PCDHA12: variants seen among roughly 807,000 people sequenced by gnomAD.
PCDHA12 encodes the protein protocadherin alpha-12.
A neutral mutation model predicts 60.0 loss-of-function variants in PCDHA12; 44 were observed. That is an observed-to-expected ratio of 0.73 (90% CI 0.58 to 0.94). The LOEUF (loss-of-function observed/expected upper bound fraction) is 0.94, where lower values mean the gene tolerates loss of function less well. Ranked by LOEUF, PCDHA12 falls within the 40% of genes least tolerant of loss-of-function variation. PCDHA12 has a pLI of 0.00. For synonymous variants in PCDHA12, 569 were observed against 553.0 expected (o/e 1.03, Z -0.40); for missense variants, 1,276 against 1,239.7 (o/e 1.03, Z -0.44).
intron 1 of PCDHA12, among the ~76,000 whole-genome samples, chr5:140,934,564 A>T (rs2089922231): frequency 6.6e-6 from 1 of 152,076 alleles, no homozygotes; most frequent in African/African-American, 2.4e-5. Flanking sequence ...TCTTTTTTTT[A>T]ATTAATTGTA....
chr5:140,971,163 T>C (rs2096460132), intron 1 of PCDHA12, among the ~76,000 whole-genome samples: 1 of 152,180 alleles, frequency 6.6e-6, no homozygotes, highest in Non-Finnish European at 1.5e-5. Flanking sequence ...AGGCTCAGCT[T>C]TGCCACCAGC....
At chr5:140,890,875 T>G (rs189226344) in intron 1 of PCDHA12, among the ~76,000 whole-genome samples, 106 of 152,318 alleles carry the variant, frequency 7.0e-4, no homozygotes, top group Non-Finnish European at 1.3e-3. Flanking sequence ...CCCTCTGACC[T>G]TTCATCAGGG....
intron 1 of PCDHA12, among the ~76,000 whole-genome samples, chr5:140,886,029 T>C (rs1464446627): frequency 1.3e-5 from 2 of 152,180 alleles, no homozygotes; most frequent in Non-Finnish European, 2.9e-5. Context: ...TATTCTTCAC[T>C]AAGTTTTCCC....
chr5:140,978,644 G>A (rs782602318), intron 1 of PCDHA12, among the ~76,000 whole-genome samples: 18 of 152,220 alleles, frequency 1.2e-4, no homozygotes, highest in Non-Finnish European at 1.9e-4. Context: ...AAAGCAGACT[G>A]TTCTTCCCGT....
chr5:140,929,138 G>C (rs150967804), intron 1 of PCDHA12: 183 of 1,614,054 alleles, frequency 1.1e-4, no homozygotes, highest in Non-Finnish European at 1.5e-4. Context: ...ACAGTTGAGA[G>C]ACTTTCTCAG....
intron 1 of PCDHA12, among the ~76,000 whole-genome samples, chr5:140,891,690 C>T (rs12518591): frequency 0.01 from 1,559 of 152,280 alleles, 92 homozygotes; most frequent in Admixed American, 0.092. Context: ...TCTCTTCTTG[C>T]TGTTGTCTGA....
chr5:140,882,286 A>G lies in PCDHA12; in HGVS notation c.2367+4447A>G, dbSNP rs13357748. The G allele has an allele frequency of 8.5e-4, 1,378 of 1,613,102 alleles. 12 individuals are homozygous for G. In the African/African-American group the frequency reaches 0.015, roughly 17 times the overall value. Reference sequence around the variant, plus strand: ...AGTGTACCATGCTGTCTTCCTGGCAAGGAGGCCCAAGACCGCGGCAACTAC... The same window carrying G: ...AGTGTACCATGCTGTCTTCCTGGCAGGGAGGCCCAAGACCGCGGCAACTAC... On this transcript the variant is annotated intron_variant, in intron 1 of 3. Transcript: ENST00000398631.
chr5:141,006,429 G>C (rs541690957), intron 3 of PCDHA12, among the ~76,000 whole-genome samples: 7 of 152,004 alleles, frequency 4.6e-5, no homozygotes, highest in Non-Finnish European at 1.0e-4. Flanking sequence ...TAGCCAGGAT[G>C]GTCTCAATCT....
At chr5:140,970,121 G>C (rs1230320134) in intron 1 of PCDHA12, among the ~76,000 whole-genome samples, 1 of 152,184 alleles carries the variant, frequency 6.6e-6, no homozygotes, top group Non-Finnish European at 1.5e-5. Flanking sequence ...GCTGGGATTA[G>C]AAGGAAGAGA....
intron 1 of PCDHA12, among the ~76,000 whole-genome samples, chr5:140,964,381 T>C (rs1008874330): frequency 1.3e-5 from 2 of 152,176 alleles, no homozygotes. Flanking sequence ...AGGAGAGTCC[T>C]GGTTTTTCTC....
chr5:140,895,281 A>C (rs2064944456), intron 1 of PCDHA12, among the ~76,000 whole-genome samples: 1 of 152,118 alleles, frequency 6.6e-6, no homozygotes, highest in South Asian at 2.1e-4. Context: ...GGATAATTGA[A>C]TTAGGACCTT....
intron 1 of PCDHA12, among the ~76,000 whole-genome samples, chr5:140,911,564 CTT>C (rs1188784239): frequency 6.6e-6 from 1 of 152,226 alleles, no homozygotes. Flanking sequence ...TCTTTCATCA[CTT>C]TGTCCAGTGA....
chr5:140,953,267 C>G (rs902465304), intron 1 of PCDHA12, among the ~76,000 whole-genome samples: 4 of 152,068 alleles, frequency 2.6e-5, no homozygotes, highest in African/African-American at 4.8e-5. Flanking sequence ...TTAGCTTTAG[C>G]CTTTGCTCTT....
intron 3 of PCDHA12, among the ~76,000 whole-genome samples, chr5:141,004,676 G>C (rs1198896698): frequency 6.6e-6 from 1 of 152,168 alleles, no homozygotes; most frequent in Non-Finnish European, 1.5e-5. Context: ...AAGGACTGTG[G>C]AGTGGTGCTG....
chr5:140,882,681 A>G, intron 1 of PCDHA12: 1 of 1,614,176 alleles, frequency 6.2e-7, no homozygotes, highest in Non-Finnish European at 8.5e-7. Context: ...GAAAGCAAGA[A>G]ACGAATAATC....
At chr5:140,880,684 A>G (rs903335932) in intron 1 of PCDHA12, among the ~76,000 whole-genome samples, 27 of 152,226 alleles carry the variant, frequency 1.8e-4, no homozygotes, top group Admixed American at 1.2e-3. Flanking sequence ...TGAAGAGAAT[A>G]GTCATGGTTA....
intron 1 of PCDHA12, among the ~76,000 whole-genome samples, chr5:140,957,690 T>G (rs2095375856): frequency 6.6e-6 from 1 of 152,060 alleles, no homozygotes; most frequent in South Asian, 2.1e-4. Context: ...ATCTAGACAA[T>G]GAACATTATG....
chr5:140,927,265 C>G lies in PCDHA12; in HGVS notation c.2367+49426C>G, dbSNP rs2084026948. The G allele has an allele frequency of 6.2e-7, 1 of 1,614,168 alleles. No individual in the cohort carries two copies. Among genetic ancestry groups the G allele is most frequent in the Non-Finnish European group, 8.5e-7 (1 of 1,180,038 alleles). On this transcript the variant is annotated intron_variant, in intron 1 of 3. Coordinates refer to ENST00000398631, the MANE Select transcript of PCDHA12 (RefSeq NM_018903.4). ...CACCAATGACAACTCACCTCTCTTTCCTGCCGGCGACGTGCAGCTGCACAT... is the reference window on the plus strand; with the variant it reads ...CACCAATGACAACTCACCTCTCTTTGCTGCCGGCGACGTGCAGCTGCACAT...
chr5:140,908,754 A>G (rs1403008536), intron 1 of PCDHA12, among the ~76,000 whole-genome samples: 1 of 152,184 alleles, frequency 6.6e-6, no homozygotes, highest in African/African-American at 2.4e-5. Context: ...ACTTGCACAC[A>G]GCCTGGACGT....
Sources: allele counts gnomAD v4.1 joint callset (sites outside exome capture counted in the v4.1 genomes callset), GRCh38; gene constraint gnomAD v4.1.1; transcripts MANE v1.5; gene names NCBI Gene and HGNC (gene_info 2026-07-23, HGNC 2026-07-21).